The following EDAR variants were observed in gnomAD, a reference collection of about 807,000 sequenced individuals.
EDAR encodes the protein tumor necrosis factor receptor superfamily member EDAR.
EDAR carries 38 observed loss-of-function variants against 51.3 expected under a neutral mutation model. The observed-to-expected ratio is 0.74, with a 90% CI of 0.57 to 0.97. The LOEUF (loss-of-function observed/expected upper bound fraction) is 0.97. Ranked by LOEUF, EDAR falls within the 50% of genes least tolerant of loss-of-function variation. The pLI is 0.00. For missense variants in EDAR, 528 were observed against 595.0 expected (o/e 0.89, Z 1.17); for synonymous variants, 227 against 242.1 (o/e 0.94, Z 0.58).
chr2:108,982,661 T>C (rs1358281134), intron 1 of EDAR, among the ~76,000 whole-genome samples: 2 of 152,224 alleles, frequency 1.3e-5, no homozygotes, highest in African/African-American at 4.8e-5. Flanking sequence ...GTTTGGATAA[T>C]AATTTTCATC....
At chr2:108,906,206 G>A (rs1269821401) in intron 11 of EDAR, 102 bp downstream of exon 11, 21 of 1,232,710 alleles carry the variant, frequency 1.7e-5, no homozygotes, top group East Asian at 7.0e-5. Flanking sequence ...CTGGATGGGC[G>A]GCTTCCCTCA....
intron 1 of EDAR, among the ~76,000 whole-genome samples, chr2:108,958,682 A>T (rs1368465085): frequency 6.6e-6 from 1 of 152,218 alleles, no homozygotes; most frequent in Non-Finnish European, 1.5e-5. Flanking sequence ...TCCAGCTCTC[A>T]GGCCTTTGCA....
intron 5 of EDAR, among the ~76,000 whole-genome samples, chr2:108,913,630 T>A (rs978809772): frequency 3.9e-5 from 6 of 152,010 alleles, no homozygotes; most frequent in Non-Finnish European, 8.8e-5. Context: ...ATATAAATAT[T>A]GTTGTGGGAA....
intron 5 of EDAR, among the ~76,000 whole-genome samples, chr2:108,914,648 C>T (rs1696993950): frequency 6.6e-6 from 1 of 152,218 alleles, no homozygotes; most frequent in Non-Finnish European, 1.5e-5. Flanking sequence ...TCTTTTGGGC[C>T]AGACTTCAGT....
chr2:108,926,146 C>T (rs1018745844), intron 4 of EDAR, among the ~76,000 whole-genome samples: 1 of 152,340 alleles, frequency 6.6e-6, no homozygotes, highest in Middle Eastern at 3.4e-3. Flanking sequence ...CAACAAAGAA[C>T]ATGTGGCTGT....
At chr2:108,968,446 GA>G (rs1053852594) in intron 1 of EDAR, among the ~76,000 whole-genome samples, 1 of 152,168 alleles carries the variant, frequency 6.6e-6, no homozygotes, top group African/African-American at 2.4e-5. Flanking sequence ...TCATTATGGG[GA>G]GGTTTGTCCC....
intron 11 of EDAR, among the ~76,000 whole-genome samples, chr2:108,899,921 G>A (rs1696668072): frequency 6.6e-6 from 1 of 152,098 alleles, no homozygotes; most frequent in African/African-American, 2.4e-5. Context: ...GGGAGGCGGA[G>A]GTTGCAGTGA....
intron 1 of EDAR, among the ~76,000 whole-genome samples, chr2:108,986,478 C>A (rs779223583): frequency 1.3e-5 from 2 of 152,122 alleles, no homozygotes; most frequent in Non-Finnish European, 2.9e-5. Flanking sequence ...GTGTTGGAGG[C>A]AGAGGACACA....
intron 5 of EDAR, among the ~76,000 whole-genome samples, chr2:108,921,979 G>C (rs918797427): frequency 6.6e-6 from 1 of 152,220 alleles, no homozygotes; most frequent in Non-Finnish European, 1.5e-5. Flanking sequence ...GGGTGGGAGT[G>C]GGGTGCGCTC....
intron 4 of EDAR, among the ~76,000 whole-genome samples, chr2:108,927,350 C>G (rs1359383606): frequency 6.6e-6 from 1 of 152,200 alleles, no homozygotes; most frequent in Non-Finnish European, 1.5e-5. Context: ...GCCCAGAGAG[C>G]AGCCTGCCCA....
At chr2:108,912,583 A>G (rs112473790) in intron 6 of EDAR, 95 bp downstream of exon 6, 13 of 1,219,794 alleles carry the variant, frequency 1.1e-5, no homozygotes, top group African/African-American at 9.0e-5. Flanking sequence ...GAAGCGCACC[A>G]TAATCATCAC....
intron 1 of EDAR, among the ~76,000 whole-genome samples, chr2:108,933,847 G>T (rs765506932): frequency 2.6e-5 from 4 of 152,024 alleles, no homozygotes; most frequent in Non-Finnish European, 4.4e-5. Flanking sequence ...GGCCTGAAGG[G>T]GAACTGATAG....
intron 1 of EDAR, among the ~76,000 whole-genome samples, chr2:108,961,486 C>A (rs1698041486): frequency 6.6e-6 from 1 of 152,190 alleles, no homozygotes; most frequent in Admixed American, 6.5e-5. Flanking sequence ...CAGCCAGGCC[C>A]TCTTCAGAGG....
At chr2:108,944,691 G>C (rs1697680952) in intron 1 of EDAR, among the ~76,000 whole-genome samples, 1 of 152,182 alleles carries the variant, frequency 6.6e-6, no homozygotes, top group Non-Finnish European at 1.5e-5. Context: ...CTGGGTCCTG[G>C]TGTCTGGGCC....
Position 108,963,961 on chromosome 2 carries a change from T to C in EDAR, c.-19+24999A>G, listed in dbSNP as rs1002851880. Among the ~76,000 whole-genome samples, 17 of 152,304 alleles carry C rather than the reference T, an allele frequency of 1.1e-4. 1 individual carries two copies. Among genetic ancestry groups the C allele is most frequent in the African/African-American group, 4.1e-4 (17 of 41,568 alleles). On this transcript the variant is annotated intron_variant, in intron 1 of 11. Coordinates refer to ENST00000258443, the MANE Select transcript of EDAR (RefSeq NM_022336.4). The stretch of plus-strand genomic sequence containing the variant: ...AATCCTGGACTCACTTCTTGGACCA[T>C]TTTCCTCAACCATCAGCTGAGGCAG...
intron 6 of EDAR, 103 bp from the exon 7 acceptor site, chr2:108,911,175 G>T: frequency 1.4e-6 from 2 of 1,418,398 alleles, no homozygotes; most frequent in South Asian, 1.2e-5. Context: ...CCCCTGGGAT[G>T]CTTTCAGGGA....
intron 1 of EDAR, among the ~76,000 whole-genome samples, chr2:108,982,301 T>G (rs1308912396): frequency 6.6e-6 from 1 of 152,216 alleles, no homozygotes; most frequent in Non-Finnish European, 1.5e-5. Flanking sequence ...TTTACAGAGA[T>G]GAACCCAGGG....
Position 108,929,223 on chromosome 2 carries a change from C to A in EDAR, c.331G>T (p.Ala111Ser), listed in dbSNP as rs777768315. The A allele has an allele frequency of 4.4e-5, 71 of 1,613,976 alleles. No homozygotes were observed. The highest frequency in any genetic ancestry group is 5.5e-5 in the Non-Finnish European group (65 of 1,180,040). ...CCAGGGAGGCAAGGGCCACACTCAG[C>A]GTCATTCTCCATGTCCCCTGGTGTC... ...VLTPGDMEND[A>S]ECGPCLPGYY... Residue 111 changes from alanine (A) to serine (S), a missense_variant, in exon 4 of 12, where the codon GCT becomes TCT. Physicochemically the swap from Ala to Ser is moderately conservative, Grantham distance 99. Coordinates refer to ENST00000258443, the MANE Select transcript of EDAR (RefSeq NM_022336.4).
rs1240377789 is a variant in EDAR at position 108,916,696 on chromosome 2, T to A, written c.443-3932A>T. Among the ~76,000 whole-genome samples, 6 of 152,232 alleles carry A rather than the reference T, an allele frequency of 3.9e-5. No homozygotes were observed. The East Asian group carries it at 1.2e-3, about 29-fold the overall frequency. ...GAGAAATGCTTGCTCTGAGCACGTG[T>A]GCGCAGCCGAGGAGGTGGGGGCAAG... On this transcript the variant is annotated intron_variant, in intron 5 of 11. Coordinates refer to ENST00000258443, the MANE Select transcript of EDAR (RefSeq NM_022336.4).
Sources: allele counts gnomAD v4.1 joint callset (sites outside exome capture counted in the v4.1 genomes callset), GRCh38; gene constraint gnomAD v4.1.1; transcripts MANE v1.5; gene names NCBI Gene and HGNC (gene_info 2026-07-23, HGNC 2026-07-21).